The following RBMS3 variants were observed in gnomAD, a reference collection of about 807,000 sequenced individuals.
RBMS3 encodes the protein RNA binding motif single stranded interacting protein 3, also known as RNA-binding motif, single-stranded-interacting protein 3.
In RBMS3, 27 loss-of-function variants were observed where a neutral mutation model predicts 66.8. The ratio of observed to expected loss-of-function variants is 0.40; its 90% confidence interval spans 0.30 to 0.56. RBMS3 has a LOEUF of 0.56. Among genes scored for constraint, RBMS3 ranks in the 20% least tolerant of loss-of-function variants. The pLI is 0.40. For synonymous variants in RBMS3, 188 were observed against 183.0 expected, an observed-to-expected ratio of 1.03 and a Z score of -0.22; for missense variants, 513 against 549.5, an observed-to-expected ratio of 0.93 and a Z score of 0.66.
rs141762933 is a variant in RBMS3 at position 29,720,390 on chromosome 3, A to G, written c.400-19330A>G. On this transcript the variant is annotated intron_variant, in intron 4 of 14. Transcript: ENST00000383767. The stretch of plus-strand genomic sequence containing the variant: ...AATTAACAGGAAGAAAAGGAAAGAT[A>G]TTAACATTTACAAAGTGTCCATTAA... Among the ~76,000 whole-genome samples, 253 of 152,292 alleles carry G rather than the reference A, an allele frequency of 1.7e-3. 6 individuals carry two copies. Among genetic ancestry groups the G allele is most frequent in the East Asian group, 0.014 (75 of 5,176 alleles).
intron 4 of RBMS3, among the ~76,000 whole-genome samples, chr3:29,657,679 G>A (rs1319798434): frequency 6.6e-6 from 1 of 152,124 alleles, no homozygotes; most frequent in Non-Finnish European, 1.5e-5. Context: ...TAAAATGATT[G>A]AATATTGTGA....
chr3:29,864,003 C>T (rs190593358), intron 6 of RBMS3, among the ~76,000 whole-genome samples: 9 of 152,094 alleles, frequency 5.9e-5, no homozygotes, highest in South Asian at 2.1e-4. Flanking sequence ...ATTATAGATA[C>T]GTAATTGTTT....
intron 13 of RBMS3, among the ~76,000 whole-genome samples, chr3:29,990,342 G>C (rs887031574): frequency 6.9e-6 from 1 of 144,208 alleles, no homozygotes; most frequent in Non-Finnish European, 1.5e-5. Flanking sequence ...CAGGATAGGT[G>C]CTCTTCTTAG....
intron 4 of RBMS3, among the ~76,000 whole-genome samples, chr3:29,635,518 A>G (rs1384945691): frequency 6.6e-6 from 1 of 151,908 alleles, no homozygotes; most frequent in African/African-American, 2.4e-5. Flanking sequence ...GGCACAAGCC[A>G]GCATCAGCTT....
At chr3:29,394,895 C>A (rs1450089791) in intron 1 of RBMS3, among the ~76,000 whole-genome samples, 2 of 152,002 alleles carry the variant, frequency 1.3e-5, no homozygotes, top group African/African-American at 4.8e-5. Context: ...ACTCCGCATT[C>A]CACCTGTTGG....
chr3:29,439,593 T>TTTTATTTATTTATTTATTTATTTA (rs3041548), intron 2 of RBMS3, among the ~76,000 whole-genome samples: 26 of 149,122 alleles, frequency 1.7e-4, no homozygotes, highest in African/African-American at 6.2e-4. Context: ...GTTAATCTCT[T>TTTTATTTATTTATTTATTTATTTA]TTTATTTATT....
chr3:29,586,080 A>G (rs3773101), intron 3 of RBMS3, among the ~76,000 whole-genome samples: 22,779 of 152,106 alleles, frequency 0.15, 1,966 homozygotes, highest in East Asian at 0.32. Context: ...GGCTCACCTC[A>G]AAACTTCTAA....
chr3:29,699,985 A>C (rs1477231221), intron 4 of RBMS3, among the ~76,000 whole-genome samples: 1 of 152,164 alleles, frequency 6.6e-6, no homozygotes, highest in Non-Finnish European at 1.5e-5. Context: ...GACTGAACAA[A>C]GGGACTGGAT....
chr3:29,920,757 C>T (rs527976423), intron 10 of RBMS3, among the ~76,000 whole-genome samples: 57 of 150,498 alleles, frequency 3.8e-4, no homozygotes, highest in African/African-American at 1.3e-3. Flanking sequence ...AGGCAGATCT[C>T]GAGGTCAGGA....
intron 4 of RBMS3, among the ~76,000 whole-genome samples, chr3:29,651,473 C>T (rs1477471534): frequency 1.3e-5 from 2 of 152,082 alleles, no homozygotes; most frequent in Non-Finnish European, 2.9e-5. Flanking sequence ...AAATTTAAAG[C>T]TGAAAGGTCA....
intron 4 of RBMS3, among the ~76,000 whole-genome samples, chr3:29,617,432 G>C (rs920001878): frequency 2.6e-5 from 4 of 152,188 alleles, no homozygotes; most frequent in Non-Finnish European, 4.4e-5. Context: ...GGTGATGAAA[G>C]TTGGAATAGG....
chr3:29,844,336 G>A (rs141002511), intron 6 of RBMS3, among the ~76,000 whole-genome samples: 110 of 152,282 alleles, frequency 7.2e-4, no homozygotes, highest in South Asian at 8.3e-4. Flanking sequence ...GAGCAGTGGA[G>A]AGTTACAACT....
chr3:29,977,435 C>T (rs1697667396), intron 12 of RBMS3, among the ~76,000 whole-genome samples: 1 of 151,986 alleles, frequency 6.6e-6, no homozygotes, highest in Non-Finnish European at 1.5e-5. Flanking sequence ...TTGTTTGTTT[C>T]CACAGAAATA....
At chr3:29,319,138 T>C (rs536979095) in intron 1 of RBMS3, among the ~76,000 whole-genome samples, 1 of 152,002 alleles carries the variant, frequency 6.6e-6, no homozygotes, top group East Asian at 1.9e-4. Flanking sequence ...AAGATGAAGA[T>C]GATAAACTAG....
At chr3:29,552,470 A>T (rs998122652) in intron 3 of RBMS3, among the ~76,000 whole-genome samples, 3 of 152,128 alleles carry the variant, frequency 2.0e-5, no homozygotes, top group African/African-American at 7.2e-5. Context: ...TCTTCTTTTC[A>T]TTTGATTTTT....
At chr3:29,974,693 A>G (rs184315428) in intron 12 of RBMS3, among the ~76,000 whole-genome samples, 1 of 151,268 alleles carries the variant, frequency 6.6e-6, no homozygotes, top group Non-Finnish European at 1.5e-5. Flanking sequence ...AATACAGTGT[A>G]AAACCTTTTA....
intron 5 of RBMS3, among the ~76,000 whole-genome samples, chr3:29,757,638 G>C (rs2055483219): frequency 6.6e-6 from 1 of 152,144 alleles, no homozygotes; most frequent in Non-Finnish European, 1.5e-5. Flanking sequence ...ATTTTTAAAA[G>C]TAGTTTTCTG....
chr3:29,377,471 CT>C (rs1267662353), intron 1 of RBMS3, among the ~76,000 whole-genome samples: 1 of 152,200 alleles, frequency 6.6e-6, no homozygotes, highest in Non-Finnish European at 1.5e-5. Context: ...TCAATGTCCT[CT>C]TTCCCTTATG....
chr3:29,409,090 AGTTAGCT>A, intron 1 of RBMS3, among the ~76,000 whole-genome samples: 1 of 152,360 alleles, frequency 6.6e-6, no homozygotes, highest in South Asian at 2.1e-4. Context: ...TCGCACAGCA[AGTTAGCT>A]GTCCATTAGA....
Sources: allele counts gnomAD v4.1 joint callset (sites outside exome capture counted in the v4.1 genomes callset), GRCh38; gene constraint gnomAD v4.1.1; transcripts MANE v1.5; gene names NCBI Gene and HGNC (gene_info 2026-07-23, HGNC 2026-07-21).